ALCAM: variants seen among roughly 807,000 people sequenced by gnomAD.
The protein encoded by ALCAM is CD166 antigen.
In ALCAM, 30 loss-of-function variants were observed where a neutral mutation model predicts 70.9. That is an observed-to-expected ratio of 0.42 (90% CI 0.32 to 0.57). The LOEUF is 0.57. Among genes scored for constraint, ALCAM ranks in the 20% least tolerant of loss-of-function variants. ALCAM has a pLI of 0.11. For missense variants in ALCAM, 591 were observed against 695.1 expected (o/e 0.85, Z 1.68); for synonymous variants, 249 against 242.5 (o/e 1.03, Z -0.25).
intron 1 of ALCAM, among the ~76,000 whole-genome samples, chr3:105,374,362 C>A (rs1935324370): frequency 6.6e-6 from 1 of 152,140 alleles, no homozygotes; most frequent in South Asian, 2.1e-4. Context: ...TCGAGACCAG[C>A]CTGGCCAATA....
At chr3:105,476,326 A>T (rs1290673169) in intron 1 of ALCAM, among the ~76,000 whole-genome samples, 1 of 152,026 alleles carries the variant, frequency 6.6e-6, no homozygotes, top group Non-Finnish European at 1.5e-5. Context: ...TCCATTCACA[A>T]CCATGACTAC....
At chr3:105,421,475 C>A (rs2107416427) in intron 1 of ALCAM, among the ~76,000 whole-genome samples, 1 of 151,444 alleles carries the variant, frequency 6.6e-6, no homozygotes, top group African/African-American at 2.4e-5. Context: ...TTAAAGAATT[C>A]TCTATTTTTA....
At chr3:105,441,938 A>G (rs1937179697) in intron 1 of ALCAM, among the ~76,000 whole-genome samples, 2 of 152,214 alleles carry the variant, frequency 1.3e-5, no homozygotes, top group South Asian at 2.1e-4. Context: ...GCCTTTGCAC[A>G]TAGATCATTG....
chr3:105,525,172 A>G (rs1443898364), intron 3 of ALCAM: 1 of 984,066 alleles, frequency 1.0e-6, no homozygotes, highest in African/African-American at 1.7e-5. Context: ...AAAACTCACT[A>G]TACCCTGAAT....
chr3:105,427,616 G>A (rs1482921782), intron 1 of ALCAM, among the ~76,000 whole-genome samples: 4 of 151,754 alleles, frequency 2.6e-5, no homozygotes, highest in Non-Finnish European at 5.9e-5. Flanking sequence ...ACCTTGCCTA[G>A]GACAAGGGCT....
chr3:105,566,748 A>G (rs1175378288), intron 14 of ALCAM, among the ~76,000 whole-genome samples: 2 of 152,154 alleles, frequency 1.3e-5, no homozygotes, highest in African/African-American at 4.8e-5. Flanking sequence ...TTTTATCTGC[A>G]TATATTATAA....
At chr3:105,491,234 T>C (rs1480981360) in intron 1 of ALCAM, among the ~76,000 whole-genome samples, 2 of 152,156 alleles carry the variant, frequency 1.3e-5, no homozygotes, top group East Asian at 3.9e-4. Flanking sequence ...GTCCAAAGGC[T>C]GCACAAAACA....
chr3:105,521,579 G>A (rs1559820053), intron 2 of ALCAM, among the ~76,000 whole-genome samples: 1 of 152,148 alleles, frequency 6.6e-6, no homozygotes, highest in African/African-American at 2.4e-5. Context: ...TGTGCTCACT[G>A]TGAGATTCTG....
chr3:105,451,776 GGT>G (rs1368450215), intron 1 of ALCAM, among the ~76,000 whole-genome samples: 1 of 152,136 alleles, frequency 6.6e-6, no homozygotes, highest in Non-Finnish European at 1.5e-5. Flanking sequence ...CAGCTTTCTT[GGT>G]TATTGGCAGA....
Position 105,516,949 on chromosome 3 carries a change from TA to T in ALCAM, c.74-3117del, listed in dbSNP as rs1370169394. On this transcript the variant is annotated intron_variant, in intron 1 of 15. Coordinates refer to ENST00000306107, the MANE Select transcript of ALCAM (RefSeq NM_001627.4). ...CAGGGAGAAAATTGCAAGGGAATTC[TA>T]GTAAGCTAAACTCAATTTTTAGACT... Among the ~76,000 whole-genome samples the T allele has an allele frequency of 9.9e-5, 15 of 152,246 alleles. No homozygotes were observed. In the South Asian group the frequency reaches 1.2e-3, roughly 13 times the overall value.
rs1367731069 is a variant in ALCAM at position 105,574,462 on chromosome 3, T to A, written c.*26-15T>A. The A allele has an allele frequency of 6.6e-6, 1 of 152,176 alleles. No individual in the cohort carries two copies. The highest frequency in any genetic ancestry group is 2.4e-5 in the African/African-American group (1 of 41,426). 9.4% of individuals were successfully genotyped at this position (152,176 alleles called of 1,614,324 possible). ...GCTTTGGAAGCTTATCTAAATTATT[T>A]TTTTTTCATTTCAGAGATAAAAATC... On this transcript the variant is annotated splice_polypyrimidine_tract_variant and intron_variant, in intron 15 of 15. Coordinates refer to ENST00000306107, the MANE Select transcript of ALCAM (RefSeq NM_001627.4).
intron 1 of ALCAM, among the ~76,000 whole-genome samples, chr3:105,424,807 A>G (rs148163047): frequency 1.3e-5 from 2 of 151,904 alleles, no homozygotes; most frequent in Admixed American, 6.6e-5. Flanking sequence ...AGATATTTAT[A>G]AGAAACAAAT....
At chr3:105,559,108 A>G (rs745642630) in intron 14 of ALCAM, among the ~76,000 whole-genome samples, 47 of 151,196 alleles carry the variant, frequency 3.1e-4, no homozygotes, top group South Asian at 4.2e-4. Flanking sequence ...GGCACCGATG[A>G]GGAAAATTTA....
chr3:105,413,609 G>A (rs1236197456), intron 1 of ALCAM, among the ~76,000 whole-genome samples: 1 of 152,098 alleles, frequency 6.6e-6, no homozygotes, highest in African/African-American at 2.4e-5. Context: ...TCTGTAAAAT[G>A]AGATCATTGA....
chr3:105,568,058 AT>A (rs34005304), intron 14 of ALCAM, among the ~76,000 whole-genome samples: 10,635 of 116,252 alleles, frequency 0.091, 483 homozygotes, highest in African/African-American at 0.14. Flanking sequence ...ATTTTATTTT[AT>A]TTTATTTTTT....
At chr3:105,532,416 A>G (rs1939861702) in intron 4 of ALCAM, among the ~76,000 whole-genome samples, 1 of 152,168 alleles carries the variant, frequency 6.6e-6, no homozygotes, top group Non-Finnish European at 1.5e-5. Context: ...AGGAATGTAC[A>G]GCATGGCAAG....
chr3:105,509,688 C>T (rs563627432), intron 1 of ALCAM, among the ~76,000 whole-genome samples: 1 of 151,850 alleles, frequency 6.6e-6, no homozygotes, highest in South Asian at 2.1e-4. Context: ...TTTTATTTTG[C>T]TGGTTGTTTC....
chr3:105,468,027 C>G (rs1937799717), intron 1 of ALCAM, among the ~76,000 whole-genome samples: 1 of 151,160 alleles, frequency 6.6e-6, no homozygotes, highest in Non-Finnish European at 1.5e-5. Context: ...TATCAACTCT[C>G]AAGAAGTTTA....
intron 14 of ALCAM, among the ~76,000 whole-genome samples, chr3:105,561,570 C>T (rs1327974699): frequency 6.6e-6 from 1 of 152,110 alleles, no homozygotes; most frequent in African/African-American, 2.4e-5. Context: ...ATTACCTAGT[C>T]TGCCCAAGAA....
Sources: gnomAD v4.1 joint callset for allele counts (sites outside exome capture counted in the v4.1 genomes callset) on GRCh38, gnomAD v4.1.1 for gene constraint, MANE v1.5 for transcripts, NCBI Gene and HGNC (gene_info 2026-07-23, HGNC 2026-07-21) for gene names.